FMN1: variants seen among roughly 807,000 people sequenced by gnomAD.
The protein encoded by FMN1 is formin-1.
In FMN1, 110 loss-of-function variants were observed where a neutral mutation model predicts 132.4. That is an observed-to-expected ratio of 0.83 (90% confidence interval 0.71 to 0.97). The LOEUF (loss-of-function observed/expected upper bound fraction) is 0.97. FMN1 is among the 50% of genes least tolerant of loss of function. The probability of loss-of-function intolerance (pLI) is 0.00; values close to 1 mark genes in which losing one functional copy is unlikely to be tolerated. For missense variants in FMN1, 1,792 were observed against 1,705.3 expected (o/e 1.05, Z -0.90); for synonymous variants, 722 against 651.7 (o/e 1.11, Z -1.64).
chr15:32,923,766 T>C (rs1163795734), intron 10 of FMN1, among the ~76,000 whole-genome samples: 1 of 152,226 alleles, frequency 6.6e-6, no homozygotes, highest in East Asian at 1.9e-4. Context: ...AGCTGGTAAC[T>C]GGACTATCAC....
chr15:32,982,086 C>A (rs2032721338), intron 7 of FMN1, among the ~76,000 whole-genome samples: 1 of 152,088 alleles, frequency 6.6e-6, no homozygotes, highest in African/African-American at 2.4e-5. Context: ...AAGATCTGAA[C>A]AGATAATCTA....
At chr15:32,815,411 G>C (rs1243504986) in intron 17 of FMN1, among the ~76,000 whole-genome samples, 2 of 151,932 alleles carry the variant, frequency 1.3e-5, no homozygotes, top group Admixed American at 1.3e-4. Flanking sequence ...GCTTCTTTGG[G>C]TTTCCCATAA....
At position 33,031,126 on chromosome 15, in the gene FMN1, T is replaced by A. The variant is rs1244333419; in HGVS notation, c.2162-23051A>T. Reference sequence around the variant, plus strand: ...AAAAAAGATCAAGGCACAAACAGCTTAAATGGTTGCCCAAGCTTACACAGG... The same window carrying A: ...AAAAAAGATCAAGGCACAAACAGCTAAAATGGTTGCCCAAGCTTACACAGG... On this transcript the variant is annotated intron_variant, in intron 6 of 20. Coordinates refer to ENST00000616417, the MANE Select transcript of FMN1 (RefSeq NM_001277313.2). 4.6e-5 allele frequency among the ~76,000 whole-genome samples: 7 copies of A among 152,106 alleles called. No homozygotes were observed. In the East Asian group the frequency reaches 1.3e-3, roughly 29 times the overall value.
At chr15:33,189,265 T>C (rs1447079270) in intron 2 of FMN1, among the ~76,000 whole-genome samples, 1 of 152,040 alleles carries the variant, frequency 6.6e-6, no homozygotes, top group East Asian at 1.9e-4. Context: ...GATGCTACAA[T>C]AGAAATAGAA....
chr15:33,156,090 G>C (rs1057399886), intron 3 of FMN1, among the ~76,000 whole-genome samples: 1 of 152,116 alleles, frequency 6.6e-6, no homozygotes, highest in African/African-American at 2.4e-5. Flanking sequence ...CTACATAAAA[G>C]TATATTTTGA....
At position 32,910,486 on chromosome 15, in the gene FMN1, G is replaced by C; in HGVS notation, c.3276C>G (p.Ala1092=). 6.3e-7 allele frequency: 1 copy of C among 1,578,754 alleles called. No homozygotes were observed. The highest frequency in any genetic ancestry group is 8.6e-7 in the Non-Finnish European group (1 of 1,161,618). Residue 1092 remains alanine (A), a synonymous_variant, in exon 11 of 21, where the codon GCC becomes GCG. Transcript: ENST00000616417. ...CTTTGACACTCACGTTTTCATATAA[G>C]GCTGCCAGGGTCTCCAGATCAACCA... The part of the protein sequence containing the change: ...DSVVDLETLA[A]LYENRAQEDE...
At chr15:33,110,458 AG>A (rs138163433) in intron 4 of FMN1, among the ~76,000 whole-genome samples, 3,345 of 152,052 alleles carry the variant, frequency 0.022, 121 homozygotes, top group African/African-American at 0.076. Flanking sequence ...TGATAATGGA[AG>A]GTTTTTTTCG....
chr15:33,015,932 G>C (rs1391000912), intron 6 of FMN1, among the ~76,000 whole-genome samples: 1 of 151,594 alleles, frequency 6.6e-6, no homozygotes, highest in Non-Finnish European at 1.5e-5. Flanking sequence ...TTTGGTCCCT[G>C]GACCAGGAGC....
chr15:32,990,424 G>C (rs1256948719), intron 7 of FMN1, among the ~76,000 whole-genome samples: 1 of 152,150 alleles, frequency 6.6e-6, no homozygotes, highest in Non-Finnish European at 1.5e-5. Flanking sequence ...ACAGATAGGA[G>C]ACAAGTAGCA....
chr15:33,066,358 A>C (rs1345360040), intron 5 of FMN1, among the ~76,000 whole-genome samples: 4 of 152,232 alleles, frequency 2.6e-5, no homozygotes, highest in Non-Finnish European at 5.9e-5. Flanking sequence ...GGTTAACTCC[A>C]TACTCCTTAC....
At chr15:33,064,497 G>A (rs2037626388) in intron 6 of FMN1, 1 of 152,256 alleles carries the variant, frequency 6.6e-6, no homozygotes, top group Non-Finnish European at 1.5e-5. Flanking sequence ...TCACAAAAGT[G>A]AACGAGTAAC....
At chr15:32,910,323 C>A in intron 11 of FMN1, 151 bp downstream of exon 11, 1 of 627,908 alleles carries the variant, frequency 1.6e-6, no homozygotes, top group South Asian at 1.9e-5. Flanking sequence ...GTGCTTCTCA[C>A]ATCCACTCCC....
At chr15:32,990,994 G>T (rs1037308820) in intron 7 of FMN1, among the ~76,000 whole-genome samples, 7 of 152,076 alleles carry the variant, frequency 4.6e-5, no homozygotes, top group African/African-American at 1.4e-4. Flanking sequence ...AGATTTGGGC[G>T]GGGACACAGC....
chr15:32,977,265 T>A (rs1318712422), intron 7 of FMN1, among the ~76,000 whole-genome samples: 1 of 152,210 alleles, frequency 6.6e-6, no homozygotes, highest in Non-Finnish European at 1.5e-5. Flanking sequence ...AGAGATAGAC[T>A]AAATCTACTA....
At chr15:33,052,935 A>G (rs533804519) in intron 6 of FMN1, among the ~76,000 whole-genome samples, 16 of 152,244 alleles carry the variant, frequency 1.1e-4, no homozygotes, top group African/African-American at 3.9e-4. Flanking sequence ...TTGTGAGTCC[A>G]TAAAATGCCC....
chr15:32,988,838 C>T (rs918242541), intron 7 of FMN1, among the ~76,000 whole-genome samples: 1 of 152,138 alleles, frequency 6.6e-6, no homozygotes, highest in African/African-American at 2.4e-5. Context: ...TTTAGCTCCC[C>T]ATCTATAAAA....
intron 16 of FMN1, among the ~76,000 whole-genome samples, chr15:32,865,159 T>C (rs1009119716): frequency 2.6e-5 from 4 of 152,126 alleles, no homozygotes; most frequent in Admixed American, 6.6e-5. Flanking sequence ...AGTTTTCCTT[T>C]TGGAGTAATA....
intron 17 of FMN1, among the ~76,000 whole-genome samples, chr15:32,842,075 A>T (rs902867175): frequency 2.0e-5 from 3 of 152,180 alleles, no homozygotes; most frequent in Admixed American, 2.0e-4. Flanking sequence ...TCACTCCCTT[A>T]AAACTGGACT....
In FMN1 at chr15:32,785,200, G is replaced by GTGTGTGTA. The variant is rs1431363268; in HGVS notation, c.4131-8282_4131-8281insTACACACA. On this transcript the variant is annotated intron_variant, in intron 19 of 20. Coordinates refer to ENST00000616417, the MANE Select transcript of FMN1 (RefSeq NM_001277313.2). ...TGTGTGTGTGTGTGTGTGTGTGTGT[G>GTGTGTGTA]TATATATATATATATATATTTTTTT... is the stretch of plus-strand genomic sequence containing the variant. 1.2e-3 allele frequency among the ~76,000 whole-genome samples: 32 copies of GTGTGTGTA among 27,260 alleles called. 1 individual carries two copies. The highest frequency in any genetic ancestry group is 3.6e-3 in the African/African-American group (29 of 7,952). 17.9% of individuals were successfully genotyped at this position (27,260 alleles called of 152,430 possible). A position where few individuals can be genotyped will look rare whatever the true frequency, so the allele number is the denominator to read the frequency against.
Sources: gnomAD v4.1 joint callset for allele counts (sites outside exome capture counted in the v4.1 genomes callset) on GRCh38, gnomAD v4.1.1 for gene constraint, MANE v1.5 for transcripts, NCBI Gene and HGNC (gene_info 2026-07-23, HGNC 2026-07-21) for gene names.